The following HS6ST3 variants were observed in gnomAD, a reference collection of about 807,000 sequenced individuals.
HS6ST3 encodes heparan sulfate 6-O-sulfotransferase 3.
HS6ST3 carries 12 observed loss-of-function variants against 36.7 expected under a neutral mutation model. That is an observed-to-expected ratio of 0.33 (90% CI 0.21 to 0.53). The LOEUF is 0.53. HS6ST3 is among the 20% of genes least tolerant of loss of function. The pLI, the probability that HS6ST3 is intolerant of heterozygous loss-of-function variation, is 0.95. For synonymous variants in HS6ST3, 240 were observed against 257.5 expected (o/e 0.93, Z 0.65); for missense variants, 584 against 640.9 (o/e 0.91, Z 0.96).
chr13:96,802,986 C>G (rs145239709), intron 1 of HS6ST3, among the ~76,000 whole-genome samples: 2,599 of 152,236 alleles, frequency 0.017, 69 homozygotes, highest in African/African-American at 0.059. Context: ...TCCCTCATCC[C>G]CAATAACGTG....
At chr13:96,310,716 C>T (rs1019844504) in intron 1 of HS6ST3, among the ~76,000 whole-genome samples, 1 of 149,488 alleles carries the variant, frequency 6.7e-6, no homozygotes, top group African/African-American at 2.5e-5. Flanking sequence ...CTGTGGCACA[C>T]GTAAAAACGT....
In HS6ST3 at chr13:96,262,253, T is replaced by C. The variant is rs114864523; in HGVS notation, c.707+170684T>C. The stretch of plus-strand genomic sequence containing the variant: ...AGCAGGTGGAAAATGTAAAGAAAAA[T>C]AGAAATAGAAGGCAAACGTTTTCTA... On this transcript the variant is annotated intron_variant, in intron 1 of 1. Transcript: ENST00000376705. Among the ~76,000 whole-genome samples, 177 of 152,108 alleles carry C rather than the reference T, an allele frequency of 1.2e-3. 3 individuals are homozygous for C. The highest frequency in any genetic ancestry group is 4.1e-3 in the African/African-American group (169 of 41,482).
rs190200691 is a variant in HS6ST3 at position 96,260,389 on chromosome 13, G to C, written c.707+168820G>C. On this transcript the variant is annotated intron_variant, in intron 1 of 1. Transcript: ENST00000376705. The stretch of plus-strand genomic sequence containing the variant: ...TGCAGTGGCACAATTTCGGCTCACT[G>C]CAAGCTCTGCCTCCTGGGTTCAAGC... Among the ~76,000 whole-genome samples, 4 of 151,020 alleles carry C rather than the reference G, an allele frequency of 2.6e-5. No homozygotes were observed. The East Asian group carries it at 5.9e-4, about 22-fold the overall frequency.
chr13:96,236,916 A>G (rs970581226), intron 1 of HS6ST3, among the ~76,000 whole-genome samples: 2 of 152,226 alleles, frequency 1.3e-5, no homozygotes, highest in African/African-American at 4.8e-5. Flanking sequence ...TGGGCAAGTT[A>G]TAAAGAAAAG....
At chr13:96,183,799 G>C (rs1349654492) in intron 1 of HS6ST3, among the ~76,000 whole-genome samples, 2 of 152,146 alleles carry the variant, frequency 1.3e-5, no homozygotes, top group African/African-American at 2.4e-5. Context: ...TGTTTAACGG[G>C]TATGAAGTTT....
chr13:96,108,930 G>A (rs1381111336), intron 1 of HS6ST3, among the ~76,000 whole-genome samples: 1 of 151,386 alleles, frequency 6.6e-6, no homozygotes, highest in African/African-American at 2.4e-5. Flanking sequence ...TTCCATGAAA[G>A]GTTAAATCTG....
At chr13:96,274,839 TCACACACACACACACACACACACACACA>T (rs60430769) in intron 1 of HS6ST3, among the ~76,000 whole-genome samples, 30 of 126,094 alleles carry the variant, frequency 2.4e-4, no homozygotes, top group African/African-American at 6.4e-4. Context: ...ACTTAGTCCT[TCACACACACACACACACACACACACACA>T]CACACACACA....
chr13:96,281,047 A>G (rs1330400905), intron 1 of HS6ST3, among the ~76,000 whole-genome samples: 1 of 152,014 alleles, frequency 6.6e-6, no homozygotes, highest in Non-Finnish European at 1.5e-5. Context: ...TCGCTCTATC[A>G]CTAGGCTGGA....
intron 1 of HS6ST3, among the ~76,000 whole-genome samples, chr13:96,343,805 C>G (rs549301797): frequency 6.6e-6 from 1 of 152,086 alleles, no homozygotes; most frequent in South Asian, 2.1e-4. Context: ...TGCAATAGTG[C>G]GATCTTGGCT....
intron 1 of HS6ST3, among the ~76,000 whole-genome samples, chr13:96,535,190 C>A (rs1377915203): frequency 6.6e-6 from 1 of 151,960 alleles, no homozygotes; most frequent in African/African-American, 2.4e-5. Context: ...GGAGACAGGC[C>A]TAACTTTAGT....
Position 96,334,207 on chromosome 13 carries a change from G to A in HS6ST3, c.707+242638G>A, listed in dbSNP as rs144868982. On this transcript the variant is annotated intron_variant, in intron 1 of 1. Transcript: ENST00000376705. The stretch of plus-strand genomic sequence containing the variant: ...TGAATATAAGTTCATGCCAAGTCTC[G>A]TGTTGAATTGTAATCCCCAGTGTTG... Among the ~76,000 whole-genome samples, 273 of 152,282 alleles carry A rather than the reference G, an allele frequency of 1.8e-3. 1 individual carries two copies. The highest frequency in any genetic ancestry group is 3.5e-3 in the Non-Finnish European group (236 of 68,018).
At chr13:96,475,631 GAAAA>G (rs940381444) in intron 1 of HS6ST3, among the ~76,000 whole-genome samples, 1 of 133,322 alleles carries the variant, frequency 7.5e-6, no homozygotes, top group African/African-American at 2.8e-5. Context: ...AAAAAAAAAA[GAAAA>G]GAAAGAAAAT....
At chr13:96,575,586 A>G (rs972151700) in intron 1 of HS6ST3, among the ~76,000 whole-genome samples, 1 of 152,326 alleles carries the variant, frequency 6.6e-6, no homozygotes, top group Non-Finnish European at 1.5e-5. Context: ...GGACTTTACA[A>G]CATAGCTGTG....
intron 1 of HS6ST3, among the ~76,000 whole-genome samples, chr13:96,303,144 G>A (rs74433100): frequency 6.6e-6 from 1 of 152,274 alleles, no homozygotes; most frequent in African/African-American, 2.4e-5. Context: ...ATTTAAAAAT[G>A]CATGAATTCA....
chr13:96,381,127 C>A (rs2055338440), intron 1 of HS6ST3, among the ~76,000 whole-genome samples: 1 of 152,214 alleles, frequency 6.6e-6, no homozygotes, highest in South Asian at 2.1e-4. Context: ...GATAGTAACA[C>A]ATGAATTGTG....
chr13:96,410,801 G>A (rs947791425), intron 1 of HS6ST3, among the ~76,000 whole-genome samples: 2 of 152,158 alleles, frequency 1.3e-5, no homozygotes, highest in Admixed American at 1.3e-4. Flanking sequence ...TAACAAGACT[G>A]GAAGCAAATA....
intron 1 of HS6ST3, among the ~76,000 whole-genome samples, chr13:96,174,771 C>T (rs2054204801): frequency 6.6e-6 from 1 of 152,118 alleles, no homozygotes; most frequent in African/African-American, 2.4e-5. Flanking sequence ...TATGATTGGA[C>T]CTTCAGAGAA....
chr13:96,519,289 A>G (rs1238788460), intron 1 of HS6ST3, among the ~76,000 whole-genome samples: 5 of 152,190 alleles, frequency 3.3e-5, no homozygotes, highest in African/African-American at 1.2e-4. Context: ...CAGGATTGGT[A>G]TCGTGTTTCA....
chr13:96,753,228 A>G (rs1229173021), intron 1 of HS6ST3, among the ~76,000 whole-genome samples: 1 of 152,212 alleles, frequency 6.6e-6, no homozygotes, highest in African/African-American at 2.4e-5. Flanking sequence ...GCCTTTTTAT[A>G]TACATTTTAG....
Sources: gnomAD v4.1 joint callset for allele counts (sites outside exome capture counted in the v4.1 genomes callset) on GRCh38, gnomAD v4.1.1 for gene constraint, MANE v1.5 for transcripts, NCBI Gene and HGNC (gene_info 2026-07-23, HGNC 2026-07-21) for gene names.